PIK3C3: variants seen among roughly 807,000 people sequenced by gnomAD.
PIK3C3 encodes phosphatidylinositol 3-kinase catalytic subunit type 3, also known as PI3-kinase type 3.
Under a neutral mutation model 126.1 loss-of-function variants are expected in PIK3C3, and 95 were observed. The observed-to-expected ratio is 0.75, with a 90% confidence interval of 0.64 to 0.89. PIK3C3 has a LOEUF of 0.89. Among genes scored for constraint, PIK3C3 ranks in the 40% least tolerant of loss-of-function variants. PIK3C3 has a pLI of 0.00. For missense variants in PIK3C3, 829 were observed against 1,063.2 expected (o/e 0.78, Z 3.06); for synonymous variants, 374 against 360.0 (o/e 1.04, Z -0.44).
chr18:41,961,089 G>A (rs775882773), intron 2 of PIK3C3, among the ~76,000 whole-genome samples: 2 of 152,140 alleles, frequency 1.3e-5, no homozygotes, highest in Non-Finnish European at 2.9e-5. Context: ...ATTGAAAGTG[G>A]TGTTGCCTGG....
intron 4 of PIK3C3, among the ~76,000 whole-genome samples, chr18:41,986,885 C>G (rs1981506109): frequency 6.6e-6 from 1 of 151,736 alleles, no homozygotes; most frequent in African/African-American, 2.4e-5. Context: ...ATTTTTATTT[C>G]TGAAATAGTA....
intron 15 of PIK3C3, 93 bp downstream of exon 15, chr18:42,029,534 A>ATTTTTTTTT: frequency 4.8e-6 from 1 of 209,900 alleles, no homozygotes; most frequent in South Asian, 4.1e-5. Context: ...TGATACGTGA[A>ATTTTTTTTT]TTTTTTTTTT....
At chr18:42,060,635 G>T (rs148213149) in intron 22 of PIK3C3, among the ~76,000 whole-genome samples, 6 of 152,106 alleles carry the variant, frequency 3.9e-5, no homozygotes, top group Non-Finnish European at 8.8e-5. Context: ...AAATTAGCCA[G>T]GTGTGATGGT....
At chr18:42,019,229 T>C (rs1983212852) in intron 12 of PIK3C3, among the ~76,000 whole-genome samples, 1 of 152,164 alleles carries the variant, frequency 6.6e-6, no homozygotes. Flanking sequence ...AATACTCAAG[T>C]ATGTGTTAGA....
At chr18:41,976,048 T>C (rs902956684) in intron 4 of PIK3C3, among the ~76,000 whole-genome samples, 1 of 152,214 alleles carries the variant, frequency 6.6e-6, no homozygotes, top group African/African-American at 2.4e-5. Context: ...TACTTGAATA[T>C]GCTGGTTGTA....
intron 4 of PIK3C3, among the ~76,000 whole-genome samples, chr18:41,978,697 C>T (rs1981050694): frequency 6.6e-6 from 1 of 152,170 alleles, no homozygotes; most frequent in Non-Finnish European, 1.5e-5. Context: ...AAGTGCCCTT[C>T]AGCCTAGGAG....
At chr18:41,982,872 C>T (rs1981275547) in intron 4 of PIK3C3, among the ~76,000 whole-genome samples, 1 of 152,052 alleles carries the variant, frequency 6.6e-6, no homozygotes, top group Non-Finnish European at 1.5e-5. Context: ...CAGAATTGTT[C>T]CAGGTTATTT....
At chr18:41,998,872 A>G (rs1233608045) in intron 9 of PIK3C3, among the ~76,000 whole-genome samples, 4 of 152,184 alleles carry the variant, frequency 2.6e-5, no homozygotes, top group Admixed American at 2.6e-4. Context: ...TACTCCACCC[A>G]TTAATTTATT....
chr18:42,045,384 C>G (rs1365876209), intron 20 of PIK3C3, among the ~76,000 whole-genome samples: 1 of 152,074 alleles, frequency 6.6e-6, no homozygotes, highest in Non-Finnish European at 1.5e-5. Flanking sequence ...ACCTTCAAGT[C>G]TATGTTTTCT....
At position 42,083,268 on chromosome 18, in the gene PIK3C3, T is replaced by TA. The variant is rs1420869986; in HGVS notation, c.*2132dup. 6.6e-6 allele frequency: 1 copy of TA among 152,220 alleles called. No individual in the cohort carries two copies. The highest frequency in any genetic ancestry group is 1.5e-5 in the Non-Finnish European group (1 of 68,036). 9.4% of individuals were successfully genotyped at this position (152,220 alleles called of 1,614,324 possible). On this transcript the variant is annotated 3_prime_UTR_variant, in exon 25 of 25. Coordinates refer to ENST00000262039, the MANE Select transcript of PIK3C3 (RefSeq NM_002647.4). ...GAGTGTAGTCTGCATATTTCTTTAT[T>TA]ATCATTGCCATGTGACTTCTTTGGT...
chr18:41,999,876 A>G lies in PIK3C3; in HGVS notation c.984+3146A>G, dbSNP rs372680427. On this transcript the variant is annotated intron_variant, in intron 9 of 24. Coordinates refer to ENST00000262039, the MANE Select transcript of PIK3C3 (RefSeq NM_002647.4). ...GGTGGTCATTTTTTTATGGGGCAGG[A>G]AAGCATGAGTAAGGTAGGCTGTTAG... Among the ~76,000 whole-genome samples the G allele has an allele frequency of 1.6e-4, 24 of 152,222 alleles. No homozygotes were observed. The East Asian group carries it at 3.9e-3, about 25-fold the overall frequency.
Position 42,043,801 on chromosome 18 carries a change from T to G in PIK3C3, c.2172T>G (p.Thr724=). 3 of 1,612,054 alleles carry G rather than the reference T, an allele frequency of 1.9e-6. No individual in the cohort carries two copies. The highest frequency in any genetic ancestry group is 1.3e-5 in the African/African-American group (1 of 75,004). The change falls in exon 20 of 25, where the codon ACT becomes ACG. Residue 724 remains threonine, a synonymous_variant. Coordinates refer to ENST00000262039, the MANE Select transcript of PIK3C3 (RefSeq NM_002647.4). The stretch of plus-strand genomic sequence containing the variant: ...GGATTAGTGCTGAGGTCATGGACAC[T>G]TACGTTAAAAGCTGTGGTAAGTTTT... ...PNGISAEVMD[T]YVKSCAGYCV... is the part of the protein sequence containing the mutation.
At chr18:42,031,619 T>C (rs1280541297) in intron 15 of PIK3C3, among the ~76,000 whole-genome samples, 2 of 152,070 alleles carry the variant, frequency 1.3e-5, no homozygotes, top group African/African-American at 2.4e-5. Flanking sequence ...GGGGTTTCAC[T>C]CTGTTGGCCA....
intron 9 of PIK3C3, among the ~76,000 whole-genome samples, chr18:41,998,420 T>C (rs1315218815): frequency 2.0e-5 from 3 of 152,144 alleles, no homozygotes; most frequent in Non-Finnish European, 4.4e-5. Flanking sequence ...CAGCTAGATA[T>C]TGAATTGAAC....
At chr18:41,964,067 A>G (rs557208071) in intron 3 of PIK3C3, among the ~76,000 whole-genome samples, 21 of 152,248 alleles carry the variant, frequency 1.4e-4, no homozygotes, top group African/African-American at 5.1e-4. Flanking sequence ...AAGATTCTTT[A>G]AAATGGTTTC....
intron 4 of PIK3C3, among the ~76,000 whole-genome samples, chr18:41,978,331 A>G (rs909981153): frequency 6.6e-6 from 1 of 152,216 alleles, no homozygotes; most frequent in East Asian, 1.9e-4. Flanking sequence ...AAAACTAAAG[A>G]TGTCACATTA....
intron 15 of PIK3C3, among the ~76,000 whole-genome samples, chr18:42,031,620 CTGT>C (rs1427450314): frequency 6.6e-6 from 1 of 152,058 alleles, no homozygotes; most frequent in Non-Finnish European, 1.5e-5. Flanking sequence ...GGGTTTCACT[CTGT>C]TGGCCAGGCT....
chr18:41,982,752 TAATA>T (rs1394322243), intron 4 of PIK3C3, among the ~76,000 whole-genome samples: 3 of 152,202 alleles, frequency 2.0e-5, no homozygotes, highest in Non-Finnish European at 4.4e-5. Flanking sequence ...TTCAGTAAAT[TAATA>T]AATGTATGTG....
At chr18:41,985,482 G>T (rs1387468005) in intron 4 of PIK3C3, among the ~76,000 whole-genome samples, 1 of 152,032 alleles carries the variant, frequency 6.6e-6, no homozygotes, top group Non-Finnish European at 1.5e-5. Context: ...CTTTAATTTT[G>T]CAATCGGTTT....
Sources: gnomAD v4.1 joint callset for allele counts (sites outside exome capture counted in the v4.1 genomes callset) on GRCh38, gnomAD v4.1.1 for gene constraint, MANE v1.5 for transcripts, NCBI Gene and HGNC (gene_info 2026-07-23, HGNC 2026-07-21) for gene names.